LRBA: variants seen among roughly 807,000 people sequenced by gnomAD.
LRBA encodes the protein lipopolysaccharide-responsive and beige-like anchor protein.
A neutral mutation model predicts 330.0 loss-of-function variants in LRBA; 176 were observed. The ratio of observed to expected loss-of-function variants is 0.53; its 90% confidence interval spans 0.47 to 0.60. LRBA has a LOEUF of 0.60. Among genes scored for constraint, LRBA ranks in the 20% least tolerant of loss-of-function variants. The probability of loss-of-function intolerance (pLI) is 0.00; values close to 1 mark genes in which losing one functional copy is unlikely to be tolerated. For synonymous variants in LRBA, 1,230 were observed against 1,193.0 expected, an observed-to-expected ratio of 1.03 and a Z score of -0.64; for missense variants, 3,259 against 3,444.8, an observed-to-expected ratio of 0.95 and a Z score of 1.35.
chr4:150,754,849 C>CTCTT (rs1403063858), intron 35 of LRBA, among the ~76,000 whole-genome samples: 1 of 152,196 alleles, frequency 6.6e-6, no homozygotes, highest in Non-Finnish European at 1.5e-5. Flanking sequence ...AAGCACATGG[C>CTCTT]TCTTTAAGTA....
chr4:150,967,182 A>G (rs1738998197), intron 2 of LRBA, among the ~76,000 whole-genome samples: 1 of 152,246 alleles, frequency 6.6e-6, no homozygotes, highest in Admixed American at 6.5e-5. Flanking sequence ...CTCTAATGAT[A>G]GCACATTATT....
intron 9 of LRBA, among the ~76,000 whole-genome samples, chr4:150,912,713 G>A (rs1017935476): frequency 4.6e-5 from 7 of 151,996 alleles, no homozygotes; most frequent in South Asian, 2.1e-4. Context: ...ATTTCTGCTC[G>A]GATTTTTATC....
At chr4:150,913,612 T>G (rs1020414477) in intron 9 of LRBA, among the ~76,000 whole-genome samples, 27 of 152,262 alleles carry the variant, frequency 1.8e-4, no homozygotes, top group African/African-American at 6.3e-4. Context: ...GTTCTATTCA[T>G]TATTGAAAGC....
chr4:150,623,739 A>T (rs1158229011), intron 37 of LRBA, among the ~76,000 whole-genome samples: 1 of 152,134 alleles, frequency 6.6e-6, no homozygotes, highest in African/African-American at 2.4e-5. Flanking sequence ...AGAAAAAAAA[A>T]TCTTGCCAAT....
At chr4:150,661,808 A>G (rs1466347857) in intron 37 of LRBA, among the ~76,000 whole-genome samples, 10 of 151,952 alleles carry the variant, frequency 6.6e-5, no homozygotes, top group East Asian at 1.9e-4. Flanking sequence ...TTTTTAGTAG[A>G]GATAGGGTTT....
chr4:150,270,722 TAA>T (rs1036624058), intron 56 of LRBA, among the ~76,000 whole-genome samples: 6 of 152,264 alleles, frequency 3.9e-5, no homozygotes, highest in South Asian at 4.2e-4. Context: ...GACTATACGT[TAA>T]GAGGAAATAA....
At position 150,831,956 on chromosome 4, in the gene LRBA, T is replaced by C. The variant is rs1355892054; in HGVS notation, c.4590A>G (p.Gln1530=). 2.1e-5 allele frequency: 32 copies of C among 1,525,976 alleles called. No individual in the cohort carries two copies. The highest frequency in any genetic ancestry group is 4.2e-5 in the African/African-American group (3 of 72,148). The allele number at this position is 1,525,976 out of a possible 1,614,324, so 94.5% of individuals were successfully genotyped here. ...FRDIEDSKQA[Q]FLALAVVYFI... The stretch of plus-strand genomic sequence containing the variant: ...AGTATACTACTGCCAAGGCTAAAAA[T>C]TGAGCTTGTTTGCTATCCTCCTGGG... Residue 1530 remains glutamine, a synonymous_variant, in exon 29 of 57, where the codon CAA becomes CAG. Transcript: ENST00000651943.
chr4:150,624,833 A>G (rs1776691958), intron 37 of LRBA, among the ~76,000 whole-genome samples: 1 of 152,292 alleles, frequency 6.6e-6, no homozygotes, highest in East Asian at 1.9e-4. Context: ...TTTGTCAATT[A>G]AAAGTAATTA....
At chr4:150,404,587 A>G (rs917115792) in intron 47 of LRBA, among the ~76,000 whole-genome samples, 6 of 152,192 alleles carry the variant, frequency 3.9e-5, no homozygotes, top group Admixed American at 1.3e-4. Flanking sequence ...TGTGTCAGGA[A>G]GAGGGAGAAA....
intron 37 of LRBA, 99 bp from the exon 38 acceptor site, chr4:150,599,230 T>A: frequency 1.5e-6 from 2 of 1,326,194 alleles, no homozygotes; most frequent in South Asian, 2.7e-5. Flanking sequence ...TCTGCCTTTT[T>A]TTCCCTCTCC....
At chr4:150,367,653 T>C (rs1739649890) in intron 47 of LRBA, among the ~76,000 whole-genome samples, 2 of 152,226 alleles carry the variant, frequency 1.3e-5, no homozygotes, top group African/African-American at 2.4e-5. Context: ...CATGATATAA[T>C]TAAATGTTTT....
At chr4:150,306,412 A>G (rs552539940) in intron 52 of LRBA, among the ~76,000 whole-genome samples, 1 of 152,268 alleles carries the variant, frequency 6.6e-6, no homozygotes, top group East Asian at 1.9e-4. Flanking sequence ...TAATATTCCT[A>G]TTGTTGTAAA....
intron 13 of LRBA, among the ~76,000 whole-genome samples, chr4:150,901,066 G>A (rs988228160): frequency 1.3e-5 from 2 of 152,144 alleles, no homozygotes; most frequent in Non-Finnish European, 2.9e-5. Flanking sequence ...AGGAGGCTGA[G>A]GCGGGCAGAT....
At chr4:150,931,300 AT>A (rs138371388) in intron 2 of LRBA, among the ~76,000 whole-genome samples, 11,349 of 151,860 alleles carry the variant, frequency 0.075, 800 homozygotes, top group African/African-American at 0.19. Flanking sequence ...TCATAAAAAG[AT>A]TTAAAAAAAG....
At chr4:150,276,042 G>T (rs938254249) in intron 56 of LRBA, among the ~76,000 whole-genome samples, 1 of 152,112 alleles carries the variant, frequency 6.6e-6, no homozygotes, top group African/African-American at 2.4e-5. Flanking sequence ...ATACTACAAG[G>T]CTACAGTAAC....
Position 150,622,992 on chromosome 4 carries a change from C to T in LRBA, c.5922-23861G>A, listed in dbSNP as rs1241904929. 3.3e-5 allele frequency among the ~76,000 whole-genome samples: 5 copies of T among 152,116 alleles called. No homozygotes were observed. The East Asian group carries it at 5.8e-4, about 18-fold the overall frequency. ...GATTACAGGCGTGAGCCACCGCGCCCGGCCAACAATCTTAAGGCTGATTTC... is the reference window on the plus strand; with the variant it reads ...GATTACAGGCGTGAGCCACCGCGCCTGGCCAACAATCTTAAGGCTGATTTC... On this transcript the variant is annotated intron_variant, in intron 37 of 56. Transcript: ENST00000651943.
intron 44 of LRBA, among the ~76,000 whole-genome samples, chr4:150,459,354 T>C (rs192491977): frequency 1.3e-5 from 2 of 151,410 alleles, no homozygotes; most frequent in East Asian, 1.9e-4. Context: ...GAGGGAAGAG[T>C]AGTTGGATTT....
At position 150,606,800 on chromosome 4, in the gene LRBA, C is replaced by T. The variant is rs532806643; in HGVS notation, c.5922-7669G>A. 3.3e-5 allele frequency among the ~76,000 whole-genome samples: 5 copies of T among 152,254 alleles called. No individual in the cohort carries two copies. The East Asian group carries it at 7.7e-4, about 23-fold the overall frequency. ...AGCTATGATCAAAGTACTAATTAACCCTGCCTGGGAGGACTCAGGATTTCA... is the reference window on the plus strand; with the variant it reads ...AGCTATGATCAAAGTACTAATTAACTCTGCCTGGGAGGACTCAGGATTTCA... On this transcript the variant is annotated intron_variant, in intron 37 of 56. Transcript: ENST00000651943.
At chr4:150,746,464 G>T (rs1732737388) in intron 35 of LRBA, among the ~76,000 whole-genome samples, 1 of 150,562 alleles carries the variant, frequency 6.6e-6, no homozygotes, top group Non-Finnish European at 1.5e-5. Context: ...ACCAAGTACT[G>T]CCCATTCTAC....
Sources: allele counts gnomAD v4.1 joint callset (sites outside exome capture counted in the v4.1 genomes callset), GRCh38; gene constraint gnomAD v4.1.1; transcripts MANE v1.5; gene names NCBI Gene and HGNC (gene_info 2026-07-23, HGNC 2026-07-21).